Variants in DOCK4 observed in about 807,000 individuals in gnomAD.
DOCK4 encodes the protein dedicator of cytokinesis 4.
Under a neutral mutation model 268.1 loss-of-function variants are expected in DOCK4, and 97 were observed. That is an observed-to-expected ratio of 0.36 (90% CI 0.31 to 0.43). The LOEUF is 0.43. DOCK4 is among the 20% of genes least tolerant of loss of function. The pLI is 1.00. For missense variants in DOCK4, 2,145 were observed against 2,455.7 expected (o/e 0.87, Z 2.67); for synonymous variants, 954 against 887.2 (o/e 1.08, Z -1.34).
At position 111,872,562 on chromosome 7, in the gene DOCK4, C is replaced by T; in HGVS notation, c.1747G>A (p.Asp583Asn). The T allele has an allele frequency of 6.3e-7, 1 of 1,587,834 alleles. No individual in the cohort carries two copies. The highest frequency in any genetic ancestry group is 1.2e-5 in the South Asian group (1 of 86,310). Residue 583 changes from aspartate (D) to asparagine (N), a missense_variant and splice_region_variant, in exon 18 of 53, where the codon GAT (aspartate) becomes AAT (asparagine). Asp to Asn is a conservative substitution (Grantham distance 23, BLOSUM62 1). This residue lies in a region of DOCK4 where 1,598 missense variants were observed against 1,986.7 expected (regional missense o/e 0.80). Transcript: ENST00000428084. ...LCSTKLTQNG[D>N]MLDLLKWRTH... is the part of the protein sequence containing the mutation. ...CTCCATTTCAAAAGATCAAGCATAT[C>T]ACCTTTCAAAATAGAAAAGGAAGAT...
chr7:112,030,158 T>C (rs1449582983), intron 1 of DOCK4, among the ~76,000 whole-genome samples: 4 of 152,224 alleles, frequency 2.6e-5, no homozygotes, highest in Non-Finnish European at 5.9e-5. Flanking sequence ...GCAGAAAAGA[T>C]GACCTTTTAA....
intron 8 of DOCK4, among the ~76,000 whole-genome samples, chr7:111,961,161 C>G (rs1049909848): frequency 6.6e-6 from 1 of 152,174 alleles, no homozygotes; most frequent in African/African-American, 2.4e-5. Flanking sequence ...CCAATGGCAG[C>G]TGATCTTGTT....
At chr7:112,100,410 T>A (rs1057255832) in intron 1 of DOCK4, among the ~76,000 whole-genome samples, 8 of 152,182 alleles carry the variant, frequency 5.3e-5, no homozygotes, top group Admixed American at 3.9e-4. Context: ...AGAAAGCCAA[T>A]TCATTACCCA....
In DOCK4 at chr7:112,066,674, T is replaced by TATAC. The variant is rs1807019292; in HGVS notation, c.38-62544_38-62543insGTAT. Among the ~76,000 whole-genome samples the TATAC allele has an allele frequency of 1.9e-4, 6 of 31,260 alleles. 1 individual carries two copies. The highest frequency in any genetic ancestry group is 7.4e-4 in the African/African-American group (5 of 6,796). The allele number at this position is 31,260 out of a possible 152,430, so 20.5% of individuals were successfully genotyped here. A position where few individuals can be genotyped will look rare whatever the true frequency, so the allele number is the denominator to read the frequency against. On this transcript the variant is annotated intron_variant, in intron 1 of 52. Coordinates refer to ENST00000428084, the MANE Select transcript of DOCK4 (RefSeq NM_001363540.2). Reference sequence around the variant, plus strand: ...TATACACATATTATACATATACATATACATATATACATATACATATATATA... The same window carrying TATAC: ...TATACACATATTATACATATACATATATACACATATATACATATACATATATATA...
chr7:111,755,928 A>C (rs1796988621), intron 41 of DOCK4, among the ~76,000 whole-genome samples: 1 of 152,206 alleles, frequency 6.6e-6, no homozygotes, highest in African/African-American at 2.4e-5. Flanking sequence ...TTCACTCCTT[A>C]ACATCTAACC....
At chr7:111,733,047 A>G (rs990823559) in intron 51 of DOCK4, among the ~76,000 whole-genome samples, 6 of 152,226 alleles carry the variant, frequency 3.9e-5, no homozygotes, top group African/African-American at 1.4e-4. Context: ...CCTGTATGGT[A>G]AAGGCTGGCG....
chr7:112,201,514 G>A (rs1820930882), intron 1 of DOCK4, among the ~76,000 whole-genome samples: 1 of 152,176 alleles, frequency 6.6e-6, no homozygotes, highest in Admixed American at 6.5e-5. Flanking sequence ...GGTTTGAGGG[G>A]TGCAGCCTTC....
intron 1 of DOCK4, among the ~76,000 whole-genome samples, chr7:112,059,205 C>T (rs1336389716): frequency 2.2e-5 from 3 of 137,948 alleles, no homozygotes; most frequent in East Asian, 2.1e-4. Context: ...TGCAGTGGCA[C>T]GATCTCAGCT....
At chr7:111,978,720 C>T (rs1798388184) in intron 7 of DOCK4, among the ~76,000 whole-genome samples, 1 of 152,184 alleles carries the variant, frequency 6.6e-6, no homozygotes, top group South Asian at 2.1e-4. Context: ...CAGACTGATT[C>T]TTTCATGAAA....
chr7:112,163,281 C>T (rs1817303858), intron 1 of DOCK4, among the ~76,000 whole-genome samples: 1 of 152,110 alleles, frequency 6.6e-6, no homozygotes, highest in Non-Finnish European at 1.5e-5. Flanking sequence ...CCTCCCTCCC[C>T]TCCCCATTTT....
chr7:111,905,561 T>C lies in DOCK4; in HGVS notation c.1193-3760A>G, dbSNP rs950248465. Among the ~76,000 whole-genome samples the C allele has an allele frequency of 3.3e-5, 5 of 152,332 alleles. 1 individual carries two copies. Among genetic ancestry groups the C allele is most frequent in the African/African-American group, 1.2e-4 (5 of 41,562 alleles). On this transcript the variant is annotated intron_variant, in intron 13 of 52. Coordinates refer to ENST00000428084, the MANE Select transcript of DOCK4 (RefSeq NM_001363540.2). ...AGAGTTTCCGTCAGTAGTTGAAAAC[T>C]GTAATCCTTGTTTCTGTCTTATGAA...
intron 1 of DOCK4, among the ~76,000 whole-genome samples, chr7:112,189,741 G>GTTTTGTT (rs1563170999): frequency 1.5e-4 from 7 of 45,996 alleles, no homozygotes; most frequent in African/African-American, 8.3e-4. Context: ...CTCTGTCTGG[G>GTTTTGTT]TTTTGTTTTT....
At chr7:112,122,540 G>C (rs1812829538) in intron 1 of DOCK4, among the ~76,000 whole-genome samples, 1 of 151,984 alleles carries the variant, frequency 6.6e-6, no homozygotes, top group Non-Finnish European at 1.5e-5. Context: ...TAAAGTCCTG[G>C]GATTACAAGC....
intron 35 of DOCK4, among the ~76,000 whole-genome samples, chr7:111,782,509 A>G (rs1037840498): frequency 2.6e-5 from 4 of 152,210 alleles, no homozygotes; most frequent in Non-Finnish European, 4.4e-5. Context: ...CACAAAGTAG[A>G]AAGACCTCTA....
At chr7:111,934,974 T>C (rs893073746) in intron 12 of DOCK4, among the ~76,000 whole-genome samples, 1 of 151,202 alleles carries the variant, frequency 6.6e-6, no homozygotes, top group African/African-American at 2.4e-5. Flanking sequence ...TGAGACAGAG[T>C]CTTACTGTGT....
intron 34 of DOCK4, 67 bp downstream of exon 34, chr7:111,783,790 T>C (rs1424370039): frequency 1.5e-6 from 2 of 1,346,992 alleles, no homozygotes. Context: ...TTGATTGTAT[T>C]CTATTTGATT....
Position 111,895,725 on chromosome 7 carries a change from A to C in DOCK4, c.1481-7T>G. On this transcript the variant is annotated splice_region_variant and splice_polypyrimidine_tract_variant and intron_variant, in intron 15 of 52. Transcript: ENST00000428084. ...TTCTCTCCTTTCTCCTTTGCTGTAA[A>C]AAACAAATTACTTGCTTATTTAAGT... 6.2e-7 allele frequency: 1 copy of C among 1,612,516 alleles called. No individual in the cohort carries two copies. Among genetic ancestry groups the C allele is most frequent in the Non-Finnish European group, 8.5e-7 (1 of 1,178,670 alleles).
At chr7:112,131,824 T>C (rs1813831424) in intron 1 of DOCK4, among the ~76,000 whole-genome samples, 1 of 150,624 alleles carries the variant, frequency 6.6e-6, no homozygotes, top group Non-Finnish European at 1.5e-5. Flanking sequence ...CAAAGTGGGG[T>C]TGTAACACAC....
chr7:112,095,857 A>T (rs1203344213), intron 1 of DOCK4, among the ~76,000 whole-genome samples: 6 of 152,140 alleles, frequency 3.9e-5, no homozygotes, highest in Non-Finnish European at 8.8e-5. Flanking sequence ...TGAGGCAGGC[A>T]GATCTCCTGA....
Sources: gnomAD v4.1 joint callset for allele counts (sites outside exome capture counted in the v4.1 genomes callset) on GRCh38, gnomAD v4.1.1 for gene constraint, gnomAD v4.1.1 regional missense constraint, MANE v1.5 for transcripts, NCBI Gene and HGNC (gene_info 2026-07-23, HGNC 2026-07-21) for gene names.